Variants in CYP4A22 observed in about 807,000 individuals in gnomAD.
CYP4A22 encodes the protein cytochrome P450 4A22.
CYP4A22 carries 46 observed loss-of-function variants against 56.2 expected under a neutral mutation model. That is an observed-to-expected ratio of 0.82 (90% CI 0.65 to 1.05). The LOEUF is 1.05. Ranked by LOEUF, CYP4A22 falls within the 50% of genes least tolerant of loss-of-function variation. CYP4A22 has a pLI of 0.00. For missense variants in CYP4A22, 541 were observed against 645.9 expected (o/e 0.84, Z 1.76); for synonymous variants, 193 against 251.1 (o/e 0.77, Z 2.19).
At chr1:47,143,111 T>G (rs1645031209) in intron 4 of CYP4A22, among the ~76,000 whole-genome samples, 158 bp from the exon 5 acceptor site, 1 of 152,250 alleles carries the variant, frequency 6.6e-6, no homozygotes, top group South Asian at 2.1e-4. Context: ...CAGTCCCAGT[T>G]TCTACAATGC....
chr1:47,139,080 C>T (rs1343294), intron 1 of CYP4A22, among the ~76,000 whole-genome samples: 31,741 of 151,372 alleles, frequency 0.21, 1,798 homozygotes, highest in East Asian at 0.45. Flanking sequence ...TCCTCTTTTA[C>T]CATATGTTAC....
intron 1 of CYP4A22, among the ~76,000 whole-genome samples, chr1:47,139,564 G>C (rs932468956): frequency 1.3e-5 from 2 of 152,152 alleles, no homozygotes; most frequent in African/African-American, 2.4e-5. Context: ...ATTCCACACA[G>C]ATAAGGACCA....
rs768070119 is a variant in CYP4A22, at chr1:47,140,876, C to T, written c.292C>T (p.Gln98Ter). The T allele has an allele frequency of 7.4e-6, 12 of 1,614,128 alleles. No individual in the cohort carries two copies. The South Asian group carries it at 8.8e-5, about 12-fold the overall frequency. ...YWIWGGKVRVQLYDPDYMKVI... is the reference protein window; with the variant it reads ...YWIWGGKVRV ...GATATGGGGAGGCAAAGTTCGTGTCCAGCTCTATGACCCTGACTATATGAA... is the reference window on the plus strand; with the variant it reads ...GATATGGGGAGGCAAAGTTCGTGTCTAGCTCTATGACCCTGACTATATGAA... Residue 98 changes from glutamine (Q) to a stop codon, truncating the protein, a stop_gained, in exon 2 of 12, where the codon CAG (glutamine) becomes TAG (stop). Coordinates refer to ENST00000371891, the MANE Select transcript of CYP4A22 (RefSeq NM_001010969.4). LOFTEE classifies it high-confidence loss of function.
chr1:47,137,686 G>C lies in CYP4A22; in HGVS notation c.195+6G>C, dbSNP rs1236501845. 6.2e-7 allele frequency: 1 copy of C among 1,604,796 alleles called. No individual in the cohort carries two copies. Among genetic ancestry groups the C allele is most frequent in the African/African-American group, 1.3e-5 (1 of 74,794 alleles). Reference sequence around the variant, plus strand: ...TCTTCGGGCACATCCAGGAGGTAGGGAGGAACTCAGTGGGGGAGTGGGAGG... The same window carrying C: ...TCTTCGGGCACATCCAGGAGGTAGGCAGGAACTCAGTGGGGGAGTGGGAGG... On this transcript the variant is annotated splice_donor_region_variant and intron_variant, in intron 1 of 11. Transcript: ENST00000371891.
intron 1 of CYP4A22, 149 bp from the exon 2 acceptor site, chr1:47,140,631 C>A: frequency 8.0e-7 from 1 of 1,252,456 alleles, no homozygotes; most frequent in Non-Finnish European, 1.1e-6. Flanking sequence ...TGGGGAGATA[C>A]AAAGAATCTG....
intron 5 of CYP4A22, 30 bp from the exon 6 acceptor site, chr1:47,143,732 C>T: frequency 6.3e-7 from 1 of 1,581,812 alleles, no homozygotes; most frequent in South Asian, 1.2e-5. Context: ...CCCACCCCTA[C>T]TGCGGTCTCT....
chr1:47,138,117 C>A (rs1203794233), intron 1 of CYP4A22, among the ~76,000 whole-genome samples: 1 of 152,150 alleles, frequency 6.6e-6, no homozygotes, highest in Non-Finnish European at 1.5e-5. Flanking sequence ...ATGAGGAGTT[C>A]ATGGTCTGTG....
At chr1:47,139,320 C>CA (rs1644981422) in intron 1 of CYP4A22, among the ~76,000 whole-genome samples, 1 of 152,190 alleles carries the variant, frequency 6.6e-6, no homozygotes, top group South Asian at 2.1e-4. Flanking sequence ...TACTGTTCTG[C>CA]AGTGTCATAA....
chr1:47,141,450 G>A, intron 2 of CYP4A22, 121 bp from the exon 3 acceptor site: 1 of 1,105,442 alleles, frequency 9.0e-7, no homozygotes, highest in Non-Finnish European at 1.3e-6. Flanking sequence ...GTGGATGGGA[G>A]TCAAGTGGGA....
At chr1:47,142,666 AC>A (rs1442316104) in intron 4 of CYP4A22, among the ~76,000 whole-genome samples, 1 of 152,170 alleles carries the variant, frequency 6.6e-6, no homozygotes, top group African/African-American at 2.4e-5. Flanking sequence ...GATTTAAGCC[AC>A]CCTGGGAAGG....
rs1332204351 is a variant in CYP4A22 at position 47,149,671 on chromosome 1, C to T, written c.*874C>T. ...ACACCTGTCTCCTTCTTCCTGCCTGCTTGTCTGTTCCTATATTAGTTTCCT... is the reference window on the plus strand; with the variant it reads ...ACACCTGTCTCCTTCTTCCTGCCTGTTTGTCTGTTCCTATATTAGTTTCCT... On this transcript the variant is annotated 3_prime_UTR_variant, in exon 12 of 12. Transcript: ENST00000371891. 1.3e-5 allele frequency: 2 copies of T among 152,224 alleles called. No individual in the cohort carries two copies. Among genetic ancestry groups the T allele is most frequent in the African/African-American group, 4.8e-5 (2 of 41,460 alleles). 9.4% of individuals were successfully genotyped at this position (152,224 alleles called of 1,614,324 possible). A position where few individuals can be genotyped will look rare whatever the true frequency, so the allele number is the denominator to read the frequency against.
rs199792812 is a variant in CYP4A22 at position 47,143,781 on chromosome 1, C to T, written c.655C>T (p.Gln219Ter). ...CCTCAGGAATTCTCAGTCCTACATC[C>T]AGGCCATTAGTGACCTGAACAGCCT... ...QVDRNSQSYI[Q>*]AISDLNSLVF... Residue 219 changes from glutamine (Q) to a stop codon, truncating the protein, a stop_gained, in exon 6 of 12, where the codon CAG becomes TAG. Coordinates refer to ENST00000371891, the MANE Select transcript of CYP4A22 (RefSeq NM_001010969.4). LOFTEE classifies it high-confidence loss of function. 1 of 1,612,468 alleles carries T rather than the reference C, an allele frequency of 6.2e-7. No individual in the cohort carries two copies. Among genetic ancestry groups the T allele is most frequent in the Non-Finnish European group, 8.5e-7 (1 of 1,179,098 alleles).
intron 1 of CYP4A22, among the ~76,000 whole-genome samples, 174 bp from the exon 2 acceptor site, chr1:47,140,606 C>A (rs541921149): frequency 6.6e-6 from 1 of 152,214 alleles, no homozygotes; most frequent in South Asian, 2.1e-4. Context: ...TAGCGCTTGG[C>A]CTAAGGTCAA....
intron 1 of CYP4A22, among the ~76,000 whole-genome samples, chr1:47,139,995 G>A (rs1453425754): frequency 6.6e-6 from 1 of 152,210 alleles, no homozygotes; most frequent in Non-Finnish European, 1.5e-5. Context: ...ATCGGCGTTG[G>A]AGCTGAAACA....
intron 8 of CYP4A22, 31 bp from the exon 9 acceptor site, chr1:47,144,806 C>A: frequency 6.2e-7 from 1 of 1,612,712 alleles, no homozygotes; most frequent in Non-Finnish European, 8.5e-7. Context: ...CTGCCCAGGC[C>A]TTGCTGGTGT....
chr1:47,139,023 G>A (rs1181973538), intron 1 of CYP4A22, among the ~76,000 whole-genome samples: 4 of 152,344 alleles, frequency 2.6e-5, no homozygotes, highest in Non-Finnish European at 4.4e-5. Flanking sequence ...CAAAGTTCTA[G>A]CCCTATATGG....
intron 11 of CYP4A22, chr1:47,147,000 A>T (rs911903): frequency 6.1e-6 from 6 of 985,230 alleles, no homozygotes; most frequent in Non-Finnish European, 7.2e-6. Context: ...TGAAATAGCT[A>T]TTGAGCTGGA....
chr1:47,149,578 A>C lies in CYP4A22; in HGVS notation c.*781A>C, dbSNP rs1645109787. On this transcript the variant is annotated 3_prime_UTR_variant, in exon 12 of 12. Coordinates refer to ENST00000371891, the MANE Select transcript of CYP4A22 (RefSeq NM_001010969.4). ...CCCACAACCTGGTGTTGGGTCCGATAACCCCAACATCCCTGAATCTCCACC... is the reference window on the plus strand; with the variant it reads ...CCCACAACCTGGTGTTGGGTCCGATCACCCCAACATCCCTGAATCTCCACC... The C allele has an allele frequency of 2.0e-5, 3 of 149,070 alleles. No individual in the cohort carries two copies. The highest frequency in any genetic ancestry group is 3.0e-5 in the Non-Finnish European group (2 of 67,024). The allele number at this position is 149,070 out of a possible 1,614,324, so 9.2% of individuals were successfully genotyped here. A position where few individuals can be genotyped will look rare whatever the true frequency, so the allele number is the denominator to read the frequency against.
chr1:47,141,752 A>T, intron 3 of CYP4A22, 137 bp downstream of exon 3: 1 of 1,208,112 alleles, frequency 8.3e-7, no homozygotes, highest in East Asian at 2.5e-5. Context: ...CCCTCTTCTA[A>T]CAAGACCCTC....
Sources: allele counts gnomAD v4.1 joint callset (sites outside exome capture counted in the v4.1 genomes callset), GRCh38; gene constraint gnomAD v4.1.1; transcripts MANE v1.5; gene names NCBI Gene and HGNC (gene_info 2026-07-23, HGNC 2026-07-21).